Variants in DPP6 observed in about 807,000 individuals in gnomAD.
The protein encoded by DPP6 is dipeptidyl peptidase like 6, also known as A-type potassium channel modulatory protein DPP6.
DPP6 carries 69 observed loss-of-function variants against 122.6 expected under a neutral mutation model. That is an observed-to-expected ratio of 0.56 (90% CI 0.46 to 0.69). The LOEUF (loss-of-function observed/expected upper bound fraction) is 0.69, where lower values mean the gene tolerates loss of function less well. Among genes scored for constraint, DPP6 ranks in the 30% least tolerant of loss-of-function variants. DPP6 has a pLI of 0.00. For missense variants in DPP6, 928 were observed against 1,116.9 expected (o/e 0.83, Z 2.41); for synonymous variants, 418 against 433.1 (o/e 0.97, Z 0.43).
At position 154,539,657 on chromosome 7, in the gene DPP6, A is replaced by T. The variant is rs376391302; in HGVS notation, c.458-875A>T. ...ACAAAAAAGAAAAAAAAAAGGCATA[A>T]AAATTCTAGAAGAAAACATTGGAAA... On this transcript the variant is annotated intron_variant, in intron 3 of 25. Transcript: ENST00000377770. Among the ~76,000 whole-genome samples, 44 of 152,274 alleles carry T rather than the reference A, an allele frequency of 2.9e-4. 1 individual carries two copies. The East Asian group carries it at 7.7e-3, about 27-fold the overall frequency.
the DPP6 span, among the ~76,000 whole-genome samples, chr7:153,824,114 C>A: frequency 1.3e-5 from 2 of 152,082 alleles, no homozygotes; most frequent in Admixed American, 6.6e-5. Context: ...TGGGGTTGGG[C>A]GCGGTGGCTT....
At chr7:154,429,180 TA>T (rs34365501) in intron 1 of DPP6, among the ~76,000 whole-genome samples, 128 of 146,166 alleles carry the variant, frequency 8.8e-4, no homozygotes, top group Admixed American at 2.9e-3. Flanking sequence ...CTTAATCTGT[TA>T]AAAAAAAAAA....
intron 1 of DPP6, among the ~76,000 whole-genome samples, chr7:154,190,164 A>G (rs1798544085): frequency 6.6e-6 from 1 of 152,226 alleles, no homozygotes; most frequent in South Asian, 2.1e-4. Flanking sequence ...AATCAATATA[A>G]CTTGGGCTTT....
At chr7:154,815,338 C>A (rs1349236556) in intron 16 of DPP6, among the ~76,000 whole-genome samples, 1 of 152,242 alleles carries the variant, frequency 6.6e-6, no homozygotes, top group Non-Finnish European at 1.5e-5. Context: ...AATTCACAGT[C>A]AAGTGGCATA....
intron 1 of DPP6, among the ~76,000 whole-genome samples, chr7:154,082,880 A>C (rs1157449782): frequency 1.7e-5 from 2 of 119,072 alleles, no homozygotes; most frequent in Non-Finnish European, 1.6e-5. Flanking sequence ...ATGGAGTCTC[A>C]CTCTGTCACC....
At chr7:154,234,088 C>G (rs565032347) in intron 1 of DPP6, among the ~76,000 whole-genome samples, 131 of 152,240 alleles carry the variant, frequency 8.6e-4, no homozygotes, top group Admixed American at 1.9e-3. Flanking sequence ...TAGAAGATGC[C>G]AAGTACAGTG....
rs185585194 is a variant in DPP6, at chr7:154,395,473, C to T, written c.244-50741C>T. 1.4e-4 allele frequency among the ~76,000 whole-genome samples: 22 copies of T among 152,238 alleles called. No individual in the cohort carries two copies. The South Asian group carries it at 3.7e-3, about 26-fold the overall frequency. On this transcript the variant is annotated intron_variant, in intron 1 of 25. Transcript: ENST00000377770. Reference sequence around the variant, plus strand: ...TCATTTTACAAGTTGTTCACCTCCGCGGCTAAGTTAATTCCTAAGTATTTT... The same window carrying T: ...TCATTTTACAAGTTGTTCACCTCCGTGGCTAAGTTAATTCCTAAGTATTTT...
At chr7:154,871,318 G>A (rs1320863537) in intron 18 of DPP6, among the ~76,000 whole-genome samples, 1 of 152,198 alleles carries the variant, frequency 6.6e-6, no homozygotes, top group Non-Finnish European at 1.5e-5. Context: ...AAAGGTGGGT[G>A]GGTACAGATG....
rs1026151202 is a variant in DPP6, at chr7:154,875,691, G to C, written c.1884-215G>C. On this transcript the variant is annotated intron_variant, in intron 19 of 25. Transcript: ENST00000377770. The surrounding 1 kb of genome is among the most constrained non-coding windows in gnomAD (Gnocchi z 4.5). ...TGTAGGGATGGCCCTGGGTGTCCTA[G>C]GCTCTTGGAGGTCTCCTCTTCCTCC... 6.6e-6 allele frequency among the ~76,000 whole-genome samples: 1 copy of C among 152,168 alleles called. No homozygotes were observed. The highest frequency in any genetic ancestry group is 1.5e-5 in the Non-Finnish European group (1 of 68,026).
intron 3 of DPP6, among the ~76,000 whole-genome samples, chr7:154,496,988 T>C (rs1304141294): frequency 6.6e-6 from 1 of 152,132 alleles, no homozygotes; most frequent in African/African-American, 2.4e-5. Flanking sequence ...CAGCATTGTG[T>C]TGAGGACCTA....
intron 1 of DPP6, 72 bp from the exon 2 acceptor site, chr7:154,446,142 A>C: frequency 1.1e-6 from 1 of 931,426 alleles, no homozygotes; most frequent in Admixed American, 2.6e-5. Context: ...ATTTAAATGA[A>C]ATATGTCTAT....
chr7:154,892,932 G>T lies in DPP6; in HGVS notation c.*452G>T. The T allele has an allele frequency of 1.9e-6, 1 of 521,928 alleles. No individual in the cohort carries two copies. The highest frequency in any genetic ancestry group is 3.8e-6 in the Non-Finnish European group (1 of 261,960). 32.3% of individuals were successfully genotyped at this position (521,928 alleles called of 1,614,324 possible). ...CAGTGCCATGGACGCAGCAGTTACA[G>T]CACCATTGTTTTAGCAGTGCGTGTT... On this transcript the variant is annotated 3_prime_UTR_variant, in exon 26 of 26. Transcript: ENST00000377770.
At chr7:154,666,202 C>CAT (rs55766037) in intron 6 of DPP6, among the ~76,000 whole-genome samples, 36,744 of 128,204 alleles carry the variant, frequency 0.29, 4,899 homozygotes, top group East Asian at 0.38. Context: ...TATATATATA[C>CAT]ACATATACAT....
chr7:154,035,280 T>C (rs1354720963), intron 1 of DPP6, among the ~76,000 whole-genome samples: 1 of 152,256 alleles, frequency 6.6e-6, no homozygotes, highest in African/African-American at 2.4e-5. Context: ...GGTCATGTAA[T>C]GGGTTCACTT....
chr7:154,468,902 A>C (rs1484973015), intron 2 of DPP6, among the ~76,000 whole-genome samples: 1 of 152,236 alleles, frequency 6.6e-6, no homozygotes, highest in Admixed American at 6.5e-5. Context: ...TATAGACATA[A>C]GTCTGGAGTA....
chr7:154,227,125 C>G (rs1310806829), intron 1 of DPP6, among the ~76,000 whole-genome samples: 1 of 151,560 alleles, frequency 6.6e-6, no homozygotes, highest in Non-Finnish European at 1.5e-5. Flanking sequence ...TATCTGTACT[C>G]CTAGGTTTGC....
At chr7:154,880,816 C>T in intron 20 of DPP6, 72 bp from the exon 21 acceptor site, 1 of 1,613,426 alleles carries the variant, frequency 6.2e-7, no homozygotes, top group South Asian at 1.1e-5. Flanking sequence ...GAAAACATGG[C>T]TCTGGGCTAC....
chr7:154,667,048 A>T (rs534247339), intron 6 of DPP6, among the ~76,000 whole-genome samples: 5 of 152,240 alleles, frequency 3.3e-5, no homozygotes, highest in African/African-American at 1.2e-4. Flanking sequence ...ATGATATCTC[A>T]ATTAATTTTA....
chr7:153,877,801 A>C, the DPP6 span, among the ~76,000 whole-genome samples: 3 of 152,214 alleles, frequency 2.0e-5, no homozygotes, highest in Admixed American at 2.0e-4. Flanking sequence ...ACCCTATTCC[A>C]AATGAAAAAG....
Sources: gnomAD v4.1 joint callset for allele counts (sites outside exome capture counted in the v4.1 genomes callset) on GRCh38, gnomAD v4.1.1 for gene constraint, Gnocchi (gnomAD v3.1) non-coding constraint, MANE v1.5 for transcripts, NCBI Gene and HGNC (gene_info 2026-07-23, HGNC 2026-07-21) for gene names.